The following XIRP2 variants were observed in gnomAD, a reference collection of about 807,000 sequenced individuals.
XIRP2 encodes the protein xin actin binding repeat containing 2.
A neutral mutation model predicts 277.0 loss-of-function variants in XIRP2; 236 were observed. That is an observed-to-expected ratio of 0.85 (90% CI 0.77 to 0.95). XIRP2 has a LOEUF of 0.95. Among genes scored for constraint, XIRP2 ranks in the 40% least tolerant of loss-of-function variants. XIRP2 has a pLI of 0.00. For synonymous variants in XIRP2, 1,490 were observed against 1,416.5 expected, an observed-to-expected ratio of 1.05 and a Z score of -1.17; for missense variants, 4,640 against 4,157.5, an observed-to-expected ratio of 1.12 and a Z score of -3.19.
At chr2:167,003,228 G>A (rs1360336417) in intron 2 of XIRP2, among the ~76,000 whole-genome samples, 1 of 150,162 alleles carries the variant, frequency 6.7e-6, no homozygotes, top group African/African-American at 2.4e-5. Flanking sequence ...GGCATAGGTA[G>A]AAAAAAAAAG....
chr2:167,118,491 A>AAATAC (rs1490305558), intron 2 of XIRP2, among the ~76,000 whole-genome samples: 29 of 135,054 alleles, frequency 2.1e-4, no homozygotes. Flanking sequence ...CGATAAAATA[A>AAATAC]AATAAAATAA....
chr2:167,056,386 T>A (rs1689038414), intron 2 of XIRP2, among the ~76,000 whole-genome samples: 1 of 152,184 alleles, frequency 6.6e-6, no homozygotes, highest in Admixed American at 6.5e-5. Context: ...TTTCTATATA[T>A]AGAAAGTCTC....
intron 2 of XIRP2, among the ~76,000 whole-genome samples, chr2:167,032,055 A>T (rs1388282539): frequency 6.6e-6 from 1 of 152,188 alleles, no homozygotes; most frequent in Non-Finnish European, 1.5e-5. Context: ...TTCAAACTAT[A>T]CTACAAATCT....
At chr2:166,927,423 T>C (rs1685217786) in intron 2 of XIRP2, among the ~76,000 whole-genome samples, 1 of 152,148 alleles carries the variant, frequency 6.6e-6, no homozygotes, top group Non-Finnish European at 1.5e-5. Flanking sequence ...TCTGCATTTT[T>C]TTCTGGAGGC....
At chr2:167,053,062 T>C (rs1034937061) in intron 2 of XIRP2, among the ~76,000 whole-genome samples, 3 of 152,194 alleles carry the variant, frequency 2.0e-5, no homozygotes, top group Admixed American at 2.0e-4. Context: ...CTGCTCATGA[T>C]GTTTCTACCC....
At chr2:166,945,663 CTTTTTTTTTTT>C (rs71395267) in intron 2 of XIRP2, among the ~76,000 whole-genome samples, 1 of 69,292 alleles carries the variant, frequency 1.4e-5, no homozygotes, top group East Asian at 4.6e-4. Flanking sequence ...TAAGATAAAT[CTTTTTTTTTTT>C]TTTTTTTTTT....
intron 5 of XIRP2, among the ~76,000 whole-genome samples, chr2:167,236,356 A>T (rs1694899079): frequency 6.6e-6 from 1 of 152,046 alleles, no homozygotes; most frequent in Admixed American, 6.6e-5. Context: ...TAAGAATGAA[A>T]AGTTGAATAG....
chr2:166,915,487 A>G (rs2105351661), intron 2 of XIRP2, among the ~76,000 whole-genome samples: 1 of 152,196 alleles, frequency 6.6e-6, no homozygotes, highest in South Asian at 2.1e-4. Flanking sequence ...GAATAGATGC[A>G]GTGTTTAAGT....
At chr2:167,016,956 C>A (rs1452453048) in intron 2 of XIRP2, among the ~76,000 whole-genome samples, 6 of 151,882 alleles carry the variant, frequency 4.0e-5, no homozygotes, top group Non-Finnish European at 8.8e-5. Flanking sequence ...GAAGTATGGC[C>A]TTAAGGTAAA....
intron 2 of XIRP2, among the ~76,000 whole-genome samples, chr2:166,965,004 A>ACC (rs1686392809): frequency 6.6e-6 from 1 of 151,838 alleles, no homozygotes; most frequent in Non-Finnish European, 1.5e-5. Flanking sequence ...TCAGAGGCAT[A>ACC]AGCACTTTGA....
chr2:167,210,156 T>TA (rs771853592), intron 3 of XIRP2, among the ~76,000 whole-genome samples: 11 of 152,166 alleles, frequency 7.2e-5, no homozygotes, highest in Non-Finnish European at 1.5e-4. Flanking sequence ...CCACAGCCTA[T>TA]AATATTCACA....
At chr2:166,977,769 T>C (rs1031680826) in intron 2 of XIRP2, among the ~76,000 whole-genome samples, 3 of 152,164 alleles carry the variant, frequency 2.0e-5, no homozygotes, top group African/African-American at 7.2e-5. Context: ...GCTTACTGCC[T>C]GCAGAAAATT....
chr2:167,016,298 G>C (rs1466040610), intron 2 of XIRP2, among the ~76,000 whole-genome samples: 1 of 151,678 alleles, frequency 6.6e-6, no homozygotes, highest in Non-Finnish European at 1.5e-5. Context: ...AGTTTCATTA[G>C]GTAAAGACTA....
chr2:167,234,420 CATAG>C (rs1376010771), intron 5 of XIRP2, among the ~76,000 whole-genome samples: 4 of 150,234 alleles, frequency 2.7e-5, no homozygotes, highest in Admixed American at 1.3e-4. Context: ...ACATATATTG[CATAG>C]ATAGAGATAT....
chr2:167,148,193 C>A (rs528601504), intron 3 of XIRP2, among the ~76,000 whole-genome samples: 39 of 151,824 alleles, frequency 2.6e-4, no homozygotes, highest in African/African-American at 9.4e-4. Flanking sequence ...ACCAGCCTGG[C>A]CAACATGGCA....
At chr2:167,029,974 T>C (rs999110090) in intron 2 of XIRP2, among the ~76,000 whole-genome samples, 3 of 152,154 alleles carry the variant, frequency 2.0e-5, no homozygotes, top group African/African-American at 7.2e-5. Context: ...TATCTTTTTC[T>C]TATAGATTTT....
intron 2 of XIRP2, among the ~76,000 whole-genome samples, chr2:166,923,327 A>C (rs1685105052): frequency 6.6e-6 from 1 of 152,154 alleles, no homozygotes; most frequent in Non-Finnish European, 1.5e-5. Context: ...CCTGAATAGA[A>C]TATATCTAAT....
chr2:167,095,425 A>G (rs1443645975), intron 2 of XIRP2, among the ~76,000 whole-genome samples: 1 of 152,172 alleles, frequency 6.6e-6, no homozygotes, highest in Non-Finnish European at 1.5e-5. Flanking sequence ...GCTTTTGCCC[A>G]TTCAGTATGA....
intron 2 of XIRP2, among the ~76,000 whole-genome samples, chr2:167,078,280 A>AT (rs371538994): frequency 1.8e-4 from 28 of 151,964 alleles, no homozygotes; most frequent in Admixed American, 5.9e-4. Context: ...CTCAGCTTGA[A>AT]TTTTTTTTGG....
Sources: gnomAD v4.1 joint callset for allele counts (sites outside exome capture counted in the v4.1 genomes callset) on GRCh38, gnomAD v4.1.1 for gene constraint, MANE v1.5 for transcripts, NCBI Gene and HGNC (gene_info 2026-07-23, HGNC 2026-07-21) for gene names.